FBLN1: variants seen among roughly 807,000 people sequenced by gnomAD.
FBLN1 encodes the protein fibulin-1.
In FBLN1, 34 loss-of-function variants were observed where a neutral mutation model predicts 89.7. That is an observed-to-expected ratio of 0.38 (90% CI 0.29 to 0.50). FBLN1 has a LOEUF of 0.50. Among genes scored for constraint, FBLN1 ranks in the 20% least tolerant of loss-of-function variants. FBLN1 has a pLI of 0.92. For missense variants in FBLN1, 777 were observed against 988.1 expected (o/e 0.79, Z 2.86); for synonymous variants, 393 against 391.3 (o/e 1.00, Z -0.05).
chr22:45,531,435 C>T lies in FBLN1; in HGVS notation c.544+111C>T, dbSNP rs1384965133. ...TTTGGGAAGCCAAGGCAGGAGGATT[C>T]CTTGAGCCCAGGAGGTTGTGGCTGC... On this transcript the variant is annotated intron_variant, in intron 5 of 16. Transcript: ENST00000327858. The surrounding 1 kb of genome is among the most constrained non-coding windows in gnomAD (Gnocchi z 4.9). 40 of 923,154 alleles carry T rather than the reference C, an allele frequency of 4.3e-5. No homozygotes were observed. Among genetic ancestry groups the T allele is most frequent in the Non-Finnish European group, 6.4e-5 (36 of 565,860 alleles). The allele number at this position is 923,154 out of a possible 1,614,324, so 57.2% of individuals were successfully genotyped here. A position where few individuals can be genotyped will look rare whatever the true frequency, so the allele number is the denominator to read the frequency against.
chr22:45,538,602 A>G (rs1417962764), intron 8 of FBLN1, among the ~76,000 whole-genome samples: 2 of 152,172 alleles, frequency 1.3e-5, no homozygotes, highest in Non-Finnish European at 2.9e-5. Flanking sequence ...CTTTCTAAGG[A>G]GAAAATACAT....
At position 45,577,191 on chromosome 22, in the gene FBLN1, T is replaced by C; in HGVS notation, c.1972+83T>C. The stretch of plus-strand genomic sequence containing the variant: ...CCTCTCTGGCCCAGCCCAACTCCCA[T>C]CTGAGTCCCCTCCCCAAATTCAAGC... On this transcript the variant is annotated intron_variant, in intron 16 of 16. Coordinates refer to ENST00000327858, the MANE Select transcript of FBLN1 (RefSeq NM_006486.3). This position sits in a 1 kb window ranked among gnomAD's most constrained non-coding sequence, Gnocchi z 6.6. 6.7e-7 allele frequency: 1 copy of C among 1,496,520 alleles called. No individual in the cohort carries two copies. Among genetic ancestry groups the C allele is most frequent in the Non-Finnish European group, 9.2e-7 (1 of 1,086,168 alleles). The allele number at this position is 1,496,520 out of a possible 1,614,324, so 92.7% of individuals were successfully genotyped here. A position where few individuals can be genotyped will look rare whatever the true frequency, so the allele number is the denominator to read the frequency against.
In FBLN1 at chr22:45,577,247, C is replaced by A; in HGVS notation, c.1972+139C>A. 1 of 950,986 alleles carries A rather than the reference C, an allele frequency of 1.1e-6. No individual in the cohort carries two copies. Among genetic ancestry groups the A allele is most frequent in the Non-Finnish European group, 1.6e-6 (1 of 612,760 alleles). 58.9% of individuals were successfully genotyped at this position (950,986 alleles called of 1,614,324 possible). On this transcript the variant is annotated intron_variant, in intron 16 of 16. Transcript: ENST00000327858. This position sits in a 1 kb window ranked among gnomAD's most constrained non-coding sequence, Gnocchi z 6.6. ...CAACCTTCAGGGCCCAGCGCCGAGG[C>A]CACCACAGCTCCCAATCGGTCTCGG...
In FBLN1 at chr22:45,551,187, C is replaced by T. The variant is rs75983764; in HGVS notation, c.1697+572C>T. Reference sequence around the variant, plus strand: ...CTCACTCACTCCTAGGCCATCACGGCGCCCACTTGAGACCACGGTTCCCAC... The same window carrying T: ...CTCACTCACTCCTAGGCCATCACGGTGCCCACTTGAGACCACGGTTCCCAC... On this transcript the variant is annotated intron_variant, in intron 14 of 16. Transcript: ENST00000327858. The T allele has an allele frequency of 1.1e-3, 188 of 176,664 alleles. 2 individuals are homozygous for T. The highest frequency in any genetic ancestry group is 1.9e-3 in the Non-Finnish European group (157 of 81,246). 10.9% of individuals were successfully genotyped at this position (176,664 alleles called of 1,614,324 possible).
chr22:45,599,500 G>T (rs2089213083), intron 16 of FBLN1, among the ~76,000 whole-genome samples: 1 of 152,142 alleles, frequency 6.6e-6, no homozygotes, highest in Admixed American at 6.5e-5. Flanking sequence ...TGTTCTGGGG[G>T]AGAGGATACG....
rs2088271320 is a variant in FBLN1 at position 45,523,028 on chromosome 22, A to C, written c.186-2515A>C. On this transcript the variant is annotated intron_variant, in intron 2 of 16. Transcript: ENST00000327858. Reference sequence around the variant, plus strand: ...GTCTGATGGTTTGTAGGAAGGCAGGATGTGCCGTGGGGGAAACAGGGAGGC... The same window carrying C: ...GTCTGATGGTTTGTAGGAAGGCAGGCTGTGCCGTGGGGGAAACAGGGAGGC... 4.7e-6 allele frequency: 3 copies of C among 634,468 alleles called. No homozygotes were observed. The South Asian group carries it at 5.9e-5, about 12-fold the overall frequency. The allele number at this position is 634,468 out of a possible 1,614,324, so 39.3% of individuals were successfully genotyped here. A position where few individuals can be genotyped will look rare whatever the true frequency, so the allele number is the denominator to read the frequency against.
intron 14 of FBLN1, among the ~76,000 whole-genome samples, chr22:45,552,348 G>C (rs548251123): frequency 6.6e-6 from 1 of 152,270 alleles, no homozygotes; most frequent in Admixed American, 6.5e-5. Context: ...CCTGAAACCT[G>C]GGCCCTGTGT....
At chr22:45,515,294 C>CAGG (rs1234903961) in intron 1 of FBLN1, among the ~76,000 whole-genome samples, 4 of 152,182 alleles carry the variant, frequency 2.6e-5, no homozygotes, top group Non-Finnish European at 5.9e-5. Flanking sequence ...TGGGGCTGTG[C>CAGG]AGGAGCTCTC....
At chr22:45,528,297 A>G (rs2146963056) in intron 4 of FBLN1, among the ~76,000 whole-genome samples, 1 of 152,118 alleles carries the variant, frequency 6.6e-6, no homozygotes, top group South Asian at 2.1e-4. Flanking sequence ...CACCCATGGT[A>G]TGAAGATGAT....
rs571834851 is a variant in FBLN1, at chr22:45,561,658, T to C, written c.1697+11043T>C. 6.6e-6 allele frequency among the ~76,000 whole-genome samples: 1 copy of C among 152,284 alleles called. No individual in the cohort carries two copies. The highest frequency in any genetic ancestry group is 2.4e-5 in the African/African-American group (1 of 41,552). ...CTCCATCTTTAATATTCTCTTCCTC[T>C]AGAACCACTCCTGGTACCAAAATCT... On this transcript the variant is annotated intron_variant, in intron 14 of 16. Transcript: ENST00000327858. This position sits in a 1 kb window ranked among gnomAD's most constrained non-coding sequence, Gnocchi z 4.7.
Position 45,574,635 on chromosome 22 carries a change from G to A in FBLN1, c.1822G>A (p.Glu608Lys), listed in dbSNP as rs2088978762. 5 of 1,613,782 alleles carry A rather than the reference G, an allele frequency of 3.1e-6. No individual in the cohort carries two copies. The highest frequency in any genetic ancestry group is 2.2e-5 in the East Asian group (1 of 44,886). Residue 608 changes from glutamate (E) to lysine (K), a missense_variant, in exon 15 of 17, where the codon GAG (glutamate) becomes AAG (lysine). By Grantham distance (56) the Glu-to-Lys change is moderately conservative. Coordinates refer to ENST00000327858, the MANE Select transcript of FBLN1 (RefSeq NM_006486.3). The surrounding 1 kb of genome is among the most constrained non-coding windows in gnomAD (Gnocchi z 4.1). ...HTVISLPTFR[E>K]FTRPEEIIFL... Reference sequence around the variant, plus strand: ...CGTCATCTCGCTGCCTACCTTCCGCGAGTTCACCCGCCCTGAAGGTGAGTG... The same window carrying A: ...CGTCATCTCGCTGCCTACCTTCCGCAAGTTCACCCGCCCTGAAGGTGAGTG...
intron 3 of FBLN1, 48 bp downstream of exon 3, chr22:45,525,726 G>A (rs746061604): frequency 1.3e-6 from 2 of 1,550,438 alleles, no homozygotes; most frequent in South Asian, 2.4e-5. Context: ...CCACTAGTCG[G>A]CAGACCCAGG....
rs2088871098 is a variant in FBLN1, at chr22:45,563,237, C to G, written c.1698-11274C>G. 6.2e-7 allele frequency: 1 copy of G among 1,613,782 alleles called. No individual in the cohort carries two copies. The highest frequency in any genetic ancestry group is 8.5e-7 in the Non-Finnish European group (1 of 1,180,034). On this transcript the variant is annotated intron_variant, in intron 14 of 16. Coordinates refer to ENST00000327858, the MANE Select transcript of FBLN1 (RefSeq NM_006486.3). The surrounding 1 kb of genome is among the most constrained non-coding windows in gnomAD (Gnocchi z 5.7). ...CACCGTCAGCTCCTTTGTGGCCAAG[C>G]TTTTCATCTTTGTGTCTGCAGAGCT... is the stretch of plus-strand genomic sequence containing the variant.
intron 16 of FBLN1, among the ~76,000 whole-genome samples, chr22:45,589,407 C>T (rs1402972890): frequency 6.6e-6 from 1 of 152,154 alleles, no homozygotes; most frequent in African/African-American, 2.4e-5. Context: ...ACATGGAGCA[C>T]GGTCCATAGC....
At chr22:45,511,648 T>C (rs1354298403) in intron 1 of FBLN1, among the ~76,000 whole-genome samples, 2 of 152,126 alleles carry the variant, frequency 1.3e-5, no homozygotes, top group Non-Finnish European at 2.9e-5. Flanking sequence ...GGTTTTACCA[T>C]GTTGGCCAGG....
In FBLN1 at chr22:45,583,973, T is replaced by C. The variant is rs565906995; in HGVS notation, c.1972+6865T>C. Among the ~76,000 whole-genome samples the C allele has an allele frequency of 6.6e-6, 1 of 152,100 alleles. No individual in the cohort carries two copies. The highest frequency in any genetic ancestry group is 2.4e-5 in the African/African-American group (1 of 41,406). Reference sequence around the variant, plus strand: ...GGGTCACTTCTGCATAGGCCTGCACTATCGATGTAGGTGTGAGGGTCTTTG... The same window carrying C: ...GGGTCACTTCTGCATAGGCCTGCACCATCGATGTAGGTGTGAGGGTCTTTG... On this transcript the variant is annotated intron_variant, in intron 16 of 16. Coordinates refer to ENST00000327858, the MANE Select transcript of FBLN1 (RefSeq NM_006486.3). This position sits in a 1 kb window ranked among gnomAD's most constrained non-coding sequence, Gnocchi z 4.5.
At chr22:45,559,859 A>C (rs1445471773) in intron 14 of FBLN1, among the ~76,000 whole-genome samples, 1 of 152,216 alleles carries the variant, frequency 6.6e-6, no homozygotes, top group Non-Finnish European at 1.5e-5. Context: ...ATAAATTGTC[A>C]GTAATGTAGT....
intron 14 of FBLN1, chr22:45,558,202 C>G: frequency 1.5e-6 from 1 of 670,816 alleles, no homozygotes; most frequent in South Asian, 1.6e-5. Context: ...AGGACCTGCT[C>G]AAGCCCGATC....
chr22:45,523,506 C>G (rs541371015), intron 2 of FBLN1, among the ~76,000 whole-genome samples: 2 of 152,296 alleles, frequency 1.3e-5, no homozygotes, highest in African/African-American at 4.8e-5. Flanking sequence ...CGTTTGAGAC[C>G]ATCCTGGCCA....
Sources: allele counts gnomAD v4.1 joint callset (sites outside exome capture counted in the v4.1 genomes callset), GRCh38; gene constraint gnomAD v4.1.1; non-coding constraint Gnocchi (gnomAD v3.1); transcripts MANE v1.5; gene names NCBI Gene and HGNC (gene_info 2026-07-23, HGNC 2026-07-21).